Variants in IQSEC1 observed in about 807,000 individuals in gnomAD.
IQSEC1 encodes the protein IQ motif and SEC7 domain-containing protein 1.
IQSEC1 carries 31 observed loss-of-function variants against 91.0 expected under a neutral mutation model. That is an observed-to-expected ratio of 0.34 (90% CI 0.26 to 0.46). IQSEC1 has a LOEUF of 0.46. Ranked by LOEUF, IQSEC1 falls within the 20% of genes least tolerant of loss-of-function variation. The pLI, the probability that IQSEC1 is intolerant of heterozygous loss-of-function variation, is 1.00. For missense variants in IQSEC1, 1,388 were observed against 1,575.6 expected, an observed-to-expected ratio of 0.88 and a Z score of 2.02; for synonymous variants, 699 against 662.6, an observed-to-expected ratio of 1.05 and a Z score of -0.84.
rs555186637 is a variant in IQSEC1, at chr3:12,935,422, C to G, written c.1568+26G>C. The stretch of plus-strand genomic sequence containing the variant: ...GGCCCAGCAAGCCACAGCTGCCCAC[C>G]CTGAGGGGTCACCCATGGTACTCAC... On this transcript the variant is annotated intron_variant, in intron 3 of 13. Transcript: ENST00000613206. This position sits in a 1 kb window ranked among gnomAD's most constrained non-coding sequence, Gnocchi z 8.0. 1.3e-6 allele frequency: 2 copies of G among 1,590,164 alleles called. No homozygotes were observed. The highest frequency in any genetic ancestry group is 3.4e-5 in the Admixed American group (2 of 59,252).
intron 2 of IQSEC1, among the ~76,000 whole-genome samples, chr3:13,101,869 C>T (rs1427716995): frequency 3.9e-5 from 6 of 151,910 alleles, no homozygotes; most frequent in Non-Finnish European, 4.4e-5. Context: ...CTAACACTGG[C>T]CTCCTTCCCC....
chr3:13,244,778 T>C (rs1695080470), intron 1 of IQSEC1, among the ~76,000 whole-genome samples: 1 of 152,128 alleles, frequency 6.6e-6, no homozygotes, highest in Non-Finnish European at 1.5e-5. Flanking sequence ...TCTCTAGACC[T>C]GCCAGCCATT....
intron 3 of IQSEC1, among the ~76,000 whole-genome samples, chr3:12,931,204 G>A (rs1227944563): frequency 1.3e-5 from 2 of 152,130 alleles, no homozygotes; most frequent in African/African-American, 4.8e-5. Flanking sequence ...CCCAGGCCAG[G>A]GCTCGGGATC....
chr3:13,049,327 A>G (rs1409443626), intron 1 of IQSEC1, among the ~76,000 whole-genome samples: 1 of 152,214 alleles, frequency 6.6e-6, no homozygotes, highest in Non-Finnish European at 1.5e-5. Context: ...TCCCAGGCCC[A>G]GGGCTGCCCT....
chr3:12,909,549 T>C lies in IQSEC1; in HGVS notation c.2417-115A>G, dbSNP rs1695365577. On this transcript the variant is annotated intron_variant, in intron 10 of 13. Coordinates refer to ENST00000613206, the MANE Select transcript of IQSEC1 (RefSeq NM_001134382.3). This position sits in a 1 kb window ranked among gnomAD's most constrained non-coding sequence, Gnocchi z 4.9. ...GAGTTGTGCGTGAGCCTGGGATAAG[T>C]GCCGGGAGTCCAGCCTCCGCAGTGG... is the stretch of plus-strand genomic sequence containing the variant. The C allele has an allele frequency of 1.9e-6, 2 of 1,064,798 alleles. No homozygotes were observed. The highest frequency in any genetic ancestry group is 2.7e-6 in the Non-Finnish European group (2 of 729,864). The allele number at this position is 1,064,798 out of a possible 1,614,324, so 66.0% of individuals were successfully genotyped here.
chr3:12,912,235 T>G (rs1241817032), intron 9 of IQSEC1, among the ~76,000 whole-genome samples: 2 of 152,078 alleles, frequency 1.3e-5, no homozygotes, highest in African/African-American at 4.8e-5. Flanking sequence ...TGGTCTACAG[T>G]AGGAAAGGAA....
At chr3:13,014,363 AG>A (rs1703021104) in intron 1 of IQSEC1, among the ~76,000 whole-genome samples, 1 of 152,246 alleles carries the variant, frequency 6.6e-6, no homozygotes, top group Non-Finnish European at 1.5e-5. Context: ...ATGGAAACCC[AG>A]GCCCAGAGAT....
intron 1 of IQSEC1, among the ~76,000 whole-genome samples, chr3:13,055,584 G>A (rs1238319936): frequency 1.3e-5 from 2 of 152,226 alleles, no homozygotes; most frequent in Non-Finnish European, 2.9e-5. Flanking sequence ...TCAGACAGAT[G>A]CCTTCACCAC....
At chr3:12,902,286 G>C (rs1341506139) in intron 13 of IQSEC1, among the ~76,000 whole-genome samples, 1 of 152,068 alleles carries the variant, frequency 6.6e-6, no homozygotes, top group Admixed American at 6.5e-5. Context: ...GTGTCCTGCC[G>C]CAGACACACA....
chr3:13,154,325 C>T (rs1003826122), intron 2 of IQSEC1, among the ~76,000 whole-genome samples: 10 of 150,174 alleles, frequency 6.7e-5, no homozygotes, highest in Non-Finnish European at 1.3e-4. Flanking sequence ...CTGGATCTTC[C>T]TCAGGCTCCT....
chr3:13,018,202 T>A (rs1306084862), intron 1 of IQSEC1, among the ~76,000 whole-genome samples: 1 of 152,154 alleles, frequency 6.6e-6, no homozygotes, highest in Non-Finnish European at 1.5e-5. Context: ...GAGCACTCTG[T>A]CCCAAGAGGA....
At position 12,900,859 on chromosome 3, in the gene IQSEC1, G is replaced by GA. The variant is rs1694184204; in HGVS notation, c.*123dup. On this transcript the variant is annotated 3_prime_UTR_variant, in exon 14 of 14. Transcript: ENST00000613206. The stretch of plus-strand genomic sequence containing the variant: ...GCTCCTGGGGCTCCGGTTGGGCCGT[G>GA]AGGGGCAGAGGGGAGAGATGGCAAC... The GA allele has an allele frequency of 1.3e-6, 2 of 1,529,890 alleles. No individual in the cohort carries two copies. Among genetic ancestry groups the GA allele is most frequent in the Non-Finnish European group, 1.7e-6 (2 of 1,143,822 alleles). 94.8% of individuals were successfully genotyped at this position (1,529,890 alleles called of 1,614,324 possible).
At chr3:12,993,035 C>T (rs183033291) in intron 1 of IQSEC1, among the ~76,000 whole-genome samples, 2 of 152,200 alleles carry the variant, frequency 1.3e-5, no homozygotes, top group Admixed American at 6.5e-5. Context: ...AGTGTCTCAT[C>T]CTCAGGCTGG....
intron 1 of IQSEC1, among the ~76,000 whole-genome samples, chr3:13,179,595 A>G (rs1693797724): frequency 6.6e-6 from 1 of 152,286 alleles, no homozygotes; most frequent in Non-Finnish European, 1.5e-5. Flanking sequence ...GCGTGCTGGC[A>G]GTCCTCACAG....
intron 1 of IQSEC1, among the ~76,000 whole-genome samples, chr3:13,177,846 A>G (rs1246933085): frequency 6.6e-6 from 1 of 152,218 alleles, no homozygotes; most frequent in Non-Finnish European, 1.5e-5. Flanking sequence ...CTGGGAAGGC[A>G]GGGGCCTGCA....
chr3:12,899,551 T>G lies in IQSEC1; in HGVS notation c.*1432A>C. The G allele has an allele frequency of 2.0e-6, 3 of 1,502,758 alleles. No homozygotes were observed. The highest frequency in any genetic ancestry group is 2.7e-6 in the Non-Finnish European group (3 of 1,116,416). 93.1% of individuals were successfully genotyped at this position (1,502,758 alleles called of 1,614,324 possible). On this transcript the variant is annotated 3_prime_UTR_variant, in exon 14 of 14. Coordinates refer to ENST00000613206, the MANE Select transcript of IQSEC1 (RefSeq NM_001134382.3). The stretch of plus-strand genomic sequence containing the variant: ...GCGACAAGAGCACAGCTGAGAGTCA[T>G]GTGATGCCCTGGCAGCTCACTGGAC...
intron 1 of IQSEC1, among the ~76,000 whole-genome samples, chr3:13,233,458 T>C (rs1237805529): frequency 6.6e-6 from 1 of 152,190 alleles, no homozygotes; most frequent in African/African-American, 2.4e-5. Flanking sequence ...AGCCACCCGC[T>C]ACCATTTCCC....
chr3:13,019,407 T>C (rs1447603225), intron 1 of IQSEC1, among the ~76,000 whole-genome samples: 2 of 152,190 alleles, frequency 1.3e-5, no homozygotes, highest in Non-Finnish European at 2.9e-5. Context: ...CGGAGGGGAA[T>C]CTGAAGACGC....
chr3:13,006,724 C>A (rs1393612261), intron 1 of IQSEC1, among the ~76,000 whole-genome samples: 1 of 152,268 alleles, frequency 6.6e-6, no homozygotes, highest in Non-Finnish European at 1.5e-5. Flanking sequence ...CCACCCACGG[C>A]CCCAGGAGGC....
Sources: allele counts gnomAD v4.1 joint callset (sites outside exome capture counted in the v4.1 genomes callset), GRCh38; gene constraint gnomAD v4.1.1; non-coding constraint Gnocchi (gnomAD v3.1); transcripts MANE v1.5; gene names NCBI Gene and HGNC (gene_info 2026-07-23, HGNC 2026-07-21).